The following NCKAP5 variants were observed in gnomAD, a reference collection of about 807,000 sequenced individuals.
NCKAP5 encodes nck-associated protein 5.
In NCKAP5, 92 loss-of-function variants were observed where a neutral mutation model predicts 167.0. The observed-to-expected ratio is 0.55, with a 90% CI of 0.47 to 0.66. NCKAP5 has a LOEUF of 0.66. Among genes scored for constraint, NCKAP5 ranks in the 30% least tolerant of loss-of-function variants. The probability of loss-of-function intolerance (pLI) is 0.00; values close to 1 mark genes in which losing one functional copy is unlikely to be tolerated. For synonymous variants in NCKAP5, 891 were observed against 877.4 expected (o/e 1.02, Z -0.27); for missense variants, 2,378 against 2,315.0 (o/e 1.03, Z -0.56).
chr2:132,924,552 T>G (rs1024046229), intron 8 of NCKAP5, among the ~76,000 whole-genome samples: 2 of 152,222 alleles, frequency 1.3e-5, no homozygotes, highest in Non-Finnish European at 2.9e-5. Context: ...TCTTTTAAAA[T>G]TACATGACAT....
intron 3 of NCKAP5, among the ~76,000 whole-genome samples, chr2:133,427,796 T>C (rs1482569688): frequency 6.6e-6 from 1 of 152,026 alleles, no homozygotes; most frequent in Non-Finnish European, 1.5e-5. Context: ...TACATCAAGA[T>C]CACTGGAAAT....
chr2:133,071,632 G>C (rs942917888), intron 6 of NCKAP5, among the ~76,000 whole-genome samples: 16 of 152,304 alleles, frequency 1.1e-4, no homozygotes, highest in African/African-American at 3.6e-4. Context: ...TCTGAGTATA[G>C]AGCCATGCAG....
At chr2:132,957,522 G>A (rs2076379780) in intron 8 of NCKAP5, among the ~76,000 whole-genome samples, 1 of 151,958 alleles carries the variant, frequency 6.6e-6, no homozygotes, top group African/African-American at 2.4e-5. Context: ...ACTACTGTTG[G>A]GGCTCAGAAA....
At chr2:132,856,492 T>G (rs753108580) in intron 11 of NCKAP5, among the ~76,000 whole-genome samples, 2 of 152,216 alleles carry the variant, frequency 1.3e-5, no homozygotes, top group African/African-American at 2.4e-5. Context: ...ACTGTTGATG[T>G]GAATCATCTA....
chr2:133,066,390 A>T (rs950561521), intron 6 of NCKAP5, among the ~76,000 whole-genome samples: 5 of 152,188 alleles, frequency 3.3e-5, no homozygotes, highest in Non-Finnish European at 5.9e-5. Flanking sequence ...ATTAAATTCA[A>T]ATCCATCACA....
chr2:133,503,192 C>T (rs1485562155), intron 3 of NCKAP5, among the ~76,000 whole-genome samples: 1 of 152,160 alleles, frequency 6.6e-6, no homozygotes, highest in Non-Finnish European at 1.5e-5. Context: ...GACTGTTATT[C>T]ATTTCTTCCT....
chr2:133,482,343 G>A (rs896384130), intron 3 of NCKAP5, among the ~76,000 whole-genome samples: 31 of 151,604 alleles, frequency 2.0e-4, no homozygotes, highest in African/African-American at 7.3e-4. Flanking sequence ...TCAGCTTCCC[G>A]AGTAACTGGG....
chr2:132,867,413 C>T (rs1234425483), intron 10 of NCKAP5, among the ~76,000 whole-genome samples: 1 of 152,204 alleles, frequency 6.6e-6, no homozygotes, highest in Non-Finnish European at 1.5e-5. Context: ...CTATTTCTCA[C>T]CTTCTTCCAA....
chr2:133,617,143 G>A, the NCKAP5 span, among the ~76,000 whole-genome samples: 3 of 152,118 alleles, frequency 2.0e-5, no homozygotes, highest in African/African-American at 7.2e-5. Flanking sequence ...GGTATTGATG[G>A]GACATATCTC....
At chr2:132,863,326 T>C (rs1228867291) in intron 10 of NCKAP5, among the ~76,000 whole-genome samples, 1 of 151,220 alleles carries the variant, frequency 6.6e-6, no homozygotes, top group Non-Finnish European at 1.5e-5. Context: ...ATTTGCAACA[T>C]AGAGATATGG....
chr2:132,694,383 G>C (rs1687117284), intron 19 of NCKAP5, among the ~76,000 whole-genome samples: 1 of 152,136 alleles, frequency 6.6e-6, no homozygotes, highest in Non-Finnish European at 1.5e-5. Flanking sequence ...GCTGTGCAGT[G>C]TGCTGCACAG....
intron 10 of NCKAP5, among the ~76,000 whole-genome samples, chr2:132,862,968 T>C (rs1356757572): frequency 1.3e-5 from 2 of 151,992 alleles, no homozygotes; most frequent in Non-Finnish European, 2.9e-5. Context: ...ACTACAGGCA[T>C]GTGCCACCAC....
chr2:132,744,594 T>C (rs1211493318), intron 16 of NCKAP5, among the ~76,000 whole-genome samples: 1 of 148,900 alleles, frequency 6.7e-6, no homozygotes, highest in Non-Finnish European at 1.5e-5. Context: ...AAACATAAAC[T>C]AAGCAGAAGA....
At chr2:132,936,710 T>C (rs1377218158) in intron 8 of NCKAP5, among the ~76,000 whole-genome samples, 3 of 152,190 alleles carry the variant, frequency 2.0e-5, no homozygotes, top group Non-Finnish European at 4.4e-5. Context: ...AAAAAAAAGA[T>C]ACACACAAAT....
the NCKAP5 span, among the ~76,000 whole-genome samples, chr2:133,652,333 T>C: frequency 4.6e-5 from 7 of 152,202 alleles, no homozygotes; most frequent in Non-Finnish European, 1.0e-4. Context: ...TTGAGTTAGA[T>C]AGTTATTAAT....
chr2:133,528,279 C>G (rs532888291), intron 2 of NCKAP5, among the ~76,000 whole-genome samples: 1 of 151,898 alleles, frequency 6.6e-6, no homozygotes, highest in South Asian at 2.1e-4. Flanking sequence ...CTTAGAATTT[C>G]CACCTAGTTT....
At chr2:133,543,332 A>T (rs533298777) in intron 2 of NCKAP5, among the ~76,000 whole-genome samples, 3 of 152,154 alleles carry the variant, frequency 2.0e-5, no homozygotes, top group South Asian at 2.1e-4. Context: ...TGCTTGTACA[A>T]CCAGCAGAAC....
chr2:133,087,869 G>A (rs376819495), intron 6 of NCKAP5, among the ~76,000 whole-genome samples: 10 of 152,156 alleles, frequency 6.6e-5, no homozygotes, highest in African/African-American at 2.4e-4. Flanking sequence ...CAATTACTCT[G>A]TTGCAGGCAC....
intron 11 of NCKAP5, among the ~76,000 whole-genome samples, chr2:132,843,603 T>A (rs953841683): frequency 2.0e-5 from 3 of 151,786 alleles, no homozygotes; most frequent in African/African-American, 7.3e-5. Flanking sequence ...TTTTTTTTAA[T>A]AAAAAAACTC....
Sources: gnomAD v4.1 joint callset for allele counts (sites outside exome capture counted in the v4.1 genomes callset) on GRCh38, gnomAD v4.1.1 for gene constraint, MANE v1.5 for transcripts, NCBI Gene and HGNC (gene_info 2026-07-23, HGNC 2026-07-21) for gene names.